GABBR2: variants seen among roughly 807,000 people sequenced by gnomAD.
GABBR2 encodes the protein gamma-aminobutyric acid type B receptor subunit 2.
In GABBR2, 23 loss-of-function variants were observed where a neutral mutation model predicts 105.6. The observed-to-expected ratio is 0.22, with a 90% confidence interval of 0.16 to 0.31. The LOEUF is 0.31. Among genes scored for constraint, GABBR2 ranks in the 10% least tolerant of loss-of-function variants. The pLI is 1.00. For missense variants in GABBR2, 734 were observed against 1,245.5 expected (o/e 0.59, Z 6.18); for synonymous variants, 478 against 499.7 (o/e 0.96, Z 0.58).
chr9:98,332,080 C>T (rs900885124), intron 13 of GABBR2, among the ~76,000 whole-genome samples: 10 of 152,232 alleles, frequency 6.6e-5, no homozygotes, highest in East Asian at 5.8e-4. Context: ...ATGAAGGAGC[C>T]GAGCTTTGGG....
intron 3 of GABBR2, among the ~76,000 whole-genome samples, chr9:98,501,134 CCT>C (rs1293981962): frequency 1.4e-5 from 2 of 145,336 alleles, no homozygotes; most frequent in African/African-American, 5.0e-5. Flanking sequence ...TGCCCCCCCC[CCT>C]TCCCCGCCCC....
chr9:98,425,431 T>C (rs1018707283), intron 7 of GABBR2, among the ~76,000 whole-genome samples: 3 of 152,200 alleles, frequency 2.0e-5, no homozygotes, highest in Non-Finnish European at 4.4e-5. Context: ...CATGTGTTTG[T>C]TCATTCAATT....
intron 7 of GABBR2, among the ~76,000 whole-genome samples, chr9:98,426,759 G>A (rs189797539): frequency 8.5e-5 from 13 of 152,330 alleles, no homozygotes; most frequent in African/African-American, 3.1e-4. Context: ...CACTTTGGGA[G>A]GGAGGCCGAG....
chr9:98,448,865 C>G (rs1381260962), intron 7 of GABBR2, among the ~76,000 whole-genome samples: 1 of 151,702 alleles, frequency 6.6e-6, no homozygotes, highest in Non-Finnish European at 1.5e-5. Flanking sequence ...ATTTGTCGAC[C>G]TTGAGATCTG....
At chr9:98,667,457 G>A (rs555622048) in intron 1 of GABBR2, among the ~76,000 whole-genome samples, 4 of 152,134 alleles carry the variant, frequency 2.6e-5, no homozygotes, top group East Asian at 1.9e-4. Context: ...AGCCACCCTC[G>A]GCCAAGTGAG....
At position 98,708,320 on chromosome 9, in the gene GABBR2, A is replaced by G. The variant is rs1202595161; in HGVS notation, c.321+97T>C. Reference sequence around the variant, plus strand: ...GCCCTCGGCAGGCGCGGGCCGGTCAATCGGGGATCTGACCAAAGGCCGGAG... The same window carrying G: ...GCCCTCGGCAGGCGCGGGCCGGTCAGTCGGGGATCTGACCAAAGGCCGGAG... On this transcript the variant is annotated intron_variant, in intron 1 of 18. Transcript: ENST00000259455. 8 of 1,230,048 alleles carry G rather than the reference A, an allele frequency of 6.5e-6. No homozygotes were observed. The East Asian group carries it at 1.2e-4, about 19-fold the overall frequency. 76.2% of individuals were successfully genotyped at this position (1,230,048 alleles called of 1,614,324 possible).
Position 98,290,607 on chromosome 9 carries a change from G to A in GABBR2, c.2803C>T (p.Arg935Ter), listed in dbSNP as rs1238294679. 2 of 1,416,938 alleles carry A rather than the reference G, an allele frequency of 1.4e-6. No homozygotes were observed. The highest frequency in any genetic ancestry group is 9.2e-7 in the Non-Finnish European group (1 of 1,085,872). 87.8% of individuals were successfully genotyped at this position (1,416,938 alleles called of 1,614,324 possible). A position where few individuals can be genotyped will look rare whatever the true frequency, so the allele number is the denominator to read the frequency against. ...PRHRHVPPSF[R>*]VMVSGL ...CCTTACAGGCCCGAGACCATGACTC[G>A]GAAGGAGGGTGGCACATGTCTGTGG... is the stretch of plus-strand genomic sequence containing the variant. The change falls in exon 19 of 19, where the codon CGA becomes TGA. Residue 935 changes from arginine to a stop codon, truncating the protein, a stop_gained. Transcript: ENST00000259455. LOFTEE classifies it high-confidence loss of function.
At chr9:98,602,877 G>C (rs1439877855) in intron 1 of GABBR2, among the ~76,000 whole-genome samples, 2 of 152,190 alleles carry the variant, frequency 1.3e-5, no homozygotes, top group African/African-American at 2.4e-5. Flanking sequence ...AGTCCAGTAT[G>C]CTACAGGCAG....
At chr9:98,669,039 T>C (rs545320578) in intron 1 of GABBR2, among the ~76,000 whole-genome samples, 1 of 152,196 alleles carries the variant, frequency 6.6e-6, no homozygotes, top group African/African-American at 2.4e-5. Flanking sequence ...AGTCCCTGCT[T>C]TGAATTATTT....
intron 16 of GABBR2, among the ~76,000 whole-genome samples, chr9:98,301,808 T>C (rs1830473813): frequency 1.3e-5 from 2 of 152,172 alleles, no homozygotes; most frequent in South Asian, 2.1e-4. Flanking sequence ...GAGCCTGTAA[T>C]GGGCTTTGGG....
At chr9:98,610,209 A>G (rs1400685795) in intron 1 of GABBR2, among the ~76,000 whole-genome samples, 2 of 152,198 alleles carry the variant, frequency 1.3e-5, no homozygotes, top group Non-Finnish European at 2.9e-5. Context: ...TGGTGGCGTG[A>G]CAGTGGGCCC....
At chr9:98,553,022 C>G (rs1170556158) in intron 2 of GABBR2, among the ~76,000 whole-genome samples, 1 of 151,918 alleles carries the variant, frequency 6.6e-6, no homozygotes, top group Non-Finnish European at 1.5e-5. Context: ...ATTATACCCA[C>G]GTGCCACCAT....
intron 13 of GABBR2, among the ~76,000 whole-genome samples, chr9:98,339,852 G>T (rs1223035944): frequency 1.3e-5 from 2 of 152,176 alleles, no homozygotes; most frequent in East Asian, 3.8e-4. Flanking sequence ...CCAAAAGCCA[G>T]GGGAATATGC....
chr9:98,468,000 G>A (rs948899273), intron 6 of GABBR2, among the ~76,000 whole-genome samples: 18 of 152,230 alleles, frequency 1.2e-4, no homozygotes, highest in African/African-American at 4.1e-4. Flanking sequence ...GTCACTTTGC[G>A]GGAGTAGAAC....
At chr9:98,505,200 C>T (rs1317501198) in intron 3 of GABBR2, among the ~76,000 whole-genome samples, 1 of 152,192 alleles carries the variant, frequency 6.6e-6, no homozygotes, top group Non-Finnish European at 1.5e-5. Context: ...GCCTGTCCAA[C>T]CTGATGTGCA....
intron 2 of GABBR2, among the ~76,000 whole-genome samples, chr9:98,560,359 A>G (rs1004487941): frequency 6.6e-6 from 1 of 151,916 alleles, no homozygotes; most frequent in Non-Finnish European, 1.5e-5. Context: ...CTTCCTCTCC[A>G]CTATCCCACC....
intron 2 of GABBR2, among the ~76,000 whole-genome samples, chr9:98,576,122 G>T (rs73494467): frequency 1.9e-3 from 283 of 152,168 alleles, no homozygotes; most frequent in African/African-American, 6.7e-3. Context: ...TGCAAGCTTG[G>T]GCTCCACCCC....
intron 3 of GABBR2, among the ~76,000 whole-genome samples, chr9:98,512,247 G>A (rs1157656480): frequency 1.5e-5 from 2 of 130,536 alleles, no homozygotes; most frequent in African/African-American, 2.8e-5. Context: ...AGGTATTGAT[G>A]GGACGTATCT....
chr9:98,610,565 C>T (rs1829491178), intron 1 of GABBR2, among the ~76,000 whole-genome samples: 1 of 152,160 alleles, frequency 6.6e-6, no homozygotes. Context: ...CTATAAATCT[C>T]ATGAGTGAGG....
Sources: allele counts gnomAD v4.1 joint callset (sites outside exome capture counted in the v4.1 genomes callset), GRCh38; gene constraint gnomAD v4.1.1; transcripts MANE v1.5; gene names NCBI Gene and HGNC (gene_info 2026-07-23, HGNC 2026-07-21).